Variants in GRAMD1C observed in about 807,000 individuals in gnomAD.
GRAMD1C encodes GRAM domain containing 1C.
A neutral mutation model predicts 97.8 loss-of-function variants in GRAMD1C; 89 were observed. The ratio of observed to expected loss-of-function variants is 0.91; its 90% CI spans 0.77 to 1.09. The LOEUF is 1.09. GRAMD1C is among the 50% of genes least tolerant of loss of function. The probability of loss-of-function intolerance (pLI) is 0.00; values close to 1 mark genes in which losing one functional copy is unlikely to be tolerated. For missense variants in GRAMD1C, 740 were observed against 766.4 expected (o/e 0.97, Z 0.41); for synonymous variants, 256 against 267.0 (o/e 0.96, Z 0.40).
chr3:113,887,519 T>C (rs1429777274), intron 6 of GRAMD1C, among the ~76,000 whole-genome samples: 1 of 151,456 alleles, frequency 6.6e-6, no homozygotes, highest in East Asian at 2.0e-4. Context: ...GCTAACATGG[T>C]GAAACCCCGT....
At chr3:113,935,322 G>A (rs1413593924) in intron 13 of GRAMD1C, among the ~76,000 whole-genome samples, 2 of 151,934 alleles carry the variant, frequency 1.3e-5, no homozygotes, top group Non-Finnish European at 2.9e-5. Context: ...GGGAGTCCTC[G>A]GGGCTACCTT....
intron 8 of GRAMD1C, among the ~76,000 whole-genome samples, chr3:113,904,803 A>G (rs1306412329): frequency 6.6e-6 from 1 of 152,090 alleles, no homozygotes; most frequent in Non-Finnish European, 1.5e-5. Flanking sequence ...TATTTTCTCA[A>G]GTATCATTGT....
intron 3 of GRAMD1C, among the ~76,000 whole-genome samples, chr3:113,874,518 T>A (rs980184517): frequency 1.3e-5 from 2 of 152,156 alleles, no homozygotes; most frequent in Non-Finnish European, 2.9e-5. Flanking sequence ...CTAATTTTTG[T>A]ATTTTTAGTA....
At chr3:113,861,600 G>T (rs555864449) in intron 2 of GRAMD1C, among the ~76,000 whole-genome samples, 13 of 152,132 alleles carry the variant, frequency 8.5e-5, no homozygotes, top group Non-Finnish European at 1.8e-4. Context: ...GAAAATATCT[G>T]CAAATATTGG....
intron 2 of GRAMD1C, among the ~76,000 whole-genome samples, chr3:113,846,122 T>C (rs1346240554): frequency 6.6e-6 from 1 of 151,660 alleles, no homozygotes; most frequent in East Asian, 1.9e-4. Context: ...TTTTTTTTTT[T>C]TGAGGCAGAG....
intron 6 of GRAMD1C, among the ~76,000 whole-genome samples, chr3:113,893,320 T>G (rs1261624216): frequency 6.6e-6 from 1 of 152,034 alleles, no homozygotes; most frequent in Non-Finnish European, 1.5e-5. Context: ...ATCAAGACCC[T>G]TCCCACCTCT....
chr3:113,917,792 A>C (rs1007652972), intron 10 of GRAMD1C, among the ~76,000 whole-genome samples: 1 of 150,234 alleles, frequency 6.7e-6, no homozygotes, highest in East Asian at 1.9e-4. Flanking sequence ...TCCTGGGCTC[A>C]AGCGATTCTT....
intron 6 of GRAMD1C, chr3:113,885,768 A>C (rs1408313945): frequency 6.3e-6 from 10 of 1,595,288 alleles, no homozygotes; most frequent in Middle Eastern, 2.1e-4. Flanking sequence ...GAGATATTAC[A>C]GACAGCACTG....
At chr3:113,851,080 G>A (rs971161029) in intron 2 of GRAMD1C, among the ~76,000 whole-genome samples, 2 of 152,146 alleles carry the variant, frequency 1.3e-5, no homozygotes, top group African/African-American at 4.8e-5. Flanking sequence ...GGGATTACAC[G>A]CGTGAGCCAC....
chr3:113,911,643 CTTT>C (rs1936582592), intron 9 of GRAMD1C, among the ~76,000 whole-genome samples: 1 of 130,328 alleles, frequency 7.7e-6, no homozygotes, highest in African/African-American at 2.7e-5. Flanking sequence ...TTCTTTCCTT[CTTT>C]CTTTTTCTTT....
At chr3:113,931,841 G>A (rs1347113499) in intron 11 of GRAMD1C, among the ~76,000 whole-genome samples, 1 of 152,022 alleles carries the variant, frequency 6.6e-6, no homozygotes, top group Non-Finnish European at 1.5e-5. Context: ...CAGGAGGATC[G>A]CTTGAGCCCA....
intron 6 of GRAMD1C, chr3:113,885,274 G>A: frequency 7.2e-7 from 1 of 1,381,032 alleles, no homozygotes; most frequent in Non-Finnish European, 1.0e-6. Flanking sequence ...GGCCTCCGGG[G>A]CCGGCGGTGC....
chr3:113,861,793 A>G (rs1394439483), intron 2 of GRAMD1C, among the ~76,000 whole-genome samples: 2 of 152,164 alleles, frequency 1.3e-5, no homozygotes, highest in East Asian at 3.8e-4. Flanking sequence ...CAGGACTACA[A>G]TGGTATTGGG....
chr3:113,876,849 G>GA (rs142312523), intron 5 of GRAMD1C, among the ~76,000 whole-genome samples: 23,949 of 121,372 alleles, frequency 0.2, 1,959 homozygotes, highest in Middle Eastern at 0.3. Flanking sequence ...AGGAAAGAAA[G>GA]AAAAAAAAAA....
chr3:113,920,310 A>G (rs1264474061), intron 10 of GRAMD1C: 4 of 434,578 alleles, frequency 9.2e-6, no homozygotes, highest in African/African-American at 2.0e-5. Context: ...GCAAAACTCC[A>G]TATATATTAG....
intron 11 of GRAMD1C, among the ~76,000 whole-genome samples, chr3:113,931,479 C>T (rs1049057248): frequency 6.6e-6 from 1 of 151,894 alleles, no homozygotes; most frequent in Non-Finnish European, 1.5e-5. Flanking sequence ...CTGTCTCAGC[C>T]TCCTGAGTAG....
chr3:113,920,336 C>A, intron 10 of GRAMD1C: 1 of 367,224 alleles, frequency 2.7e-6, no homozygotes, highest in Non-Finnish European at 4.9e-6. Flanking sequence ...CTTTATCTTA[C>A]AGTGCTGCAT....
chr3:113,906,396 G>A (rs72954624), intron 8 of GRAMD1C, among the ~76,000 whole-genome samples: 5,725 of 152,132 alleles, frequency 0.038, 376 homozygotes, highest in African/African-American at 0.13. Flanking sequence ...CTGATCCTGT[G>A]TAGGCCTAGG....
rs149879583 is a variant in GRAMD1C, at chr3:113,917,472, C to T, written c.1090+1634C>T. ...CTGAGTAGCTGGGATTACAGGCATG[C>T]GCCACCACGCCTGGATAATTTTTGT... On this transcript the variant is annotated intron_variant, in intron 10 of 17. Coordinates refer to ENST00000358160, the MANE Select transcript of GRAMD1C (RefSeq NM_017577.5). Among the ~76,000 whole-genome samples the T allele has an allele frequency of 3.3e-3, 503 of 151,608 alleles. 4 individuals are homozygous for T. Among genetic ancestry groups the T allele is most frequent in the African/African-American group, 0.012 (476 of 41,332 alleles).
Sources: gnomAD v4.1 joint callset for allele counts (sites outside exome capture counted in the v4.1 genomes callset) on GRCh38, gnomAD v4.1.1 for gene constraint, MANE v1.5 for transcripts, NCBI Gene and HGNC (gene_info 2026-07-23, HGNC 2026-07-21) for gene names.